C12orf42: variants seen among roughly 807,000 people sequenced by gnomAD.
C12orf42 encodes the protein chromosome 12 open reading frame 42, also known as uncharacterized protein C12orf42.
Under a neutral mutation model 21.6 loss-of-function variants are expected in C12orf42, and 25 were observed. That is an observed-to-expected ratio of 1.16 (90% CI 0.84 to 1.62). The LOEUF is 1.62. Among genes scored for constraint, C12orf42 ranks in the 40% most tolerant of loss-of-function variants. The pLI, the probability that C12orf42 is intolerant of heterozygous loss-of-function variation, is 0.00. For synonymous variants in C12orf42, 174 were observed against 175.0 expected, an observed-to-expected ratio of 0.99 and a Z score of 0.05; for missense variants, 483 against 459.3, an observed-to-expected ratio of 1.05 and a Z score of -0.47.
intron 2 of C12orf42, among the ~76,000 whole-genome samples, chr12:103,411,772 T>C (rs2048867623): frequency 6.6e-6 from 1 of 152,186 alleles, no homozygotes; most frequent in East Asian, 1.9e-4. Context: ...TGTCTGTTGT[T>C]TATAAATTAC....
chr12:103,319,210 C>A (rs1167742479), intron 4 of C12orf42, among the ~76,000 whole-genome samples: 1 of 152,190 alleles, frequency 6.6e-6, no homozygotes, highest in Admixed American at 6.5e-5. Context: ...GAAACCAACC[C>A]TTCACTGTGT....
intron 2 of C12orf42, 95 bp from the exon 3 acceptor site, chr12:103,401,770 CT>C: frequency 8.7e-7 from 1 of 1,150,160 alleles, no homozygotes; most frequent in Non-Finnish European, 1.3e-6. Flanking sequence ...AGATCAGAAG[CT>C]AATTCTTTCA....
intron 3 of C12orf42, among the ~76,000 whole-genome samples, chr12:103,372,201 C>G (rs909492651): frequency 2.0e-5 from 3 of 152,124 alleles, no homozygotes; most frequent in Admixed American, 2.0e-4. Flanking sequence ...TCTTCATCCA[C>G]ATCCCTGCTT....
At chr12:103,155,874 TAC>T in the C12orf42 span, among the ~76,000 whole-genome samples, 1 of 150,898 alleles carries the variant, frequency 6.6e-6, no homozygotes, top group Non-Finnish European at 1.5e-5. Context: ...TATACATATA[TAC>T]ATATATGTGT....
the C12orf42 span, among the ~76,000 whole-genome samples, chr12:103,216,854 T>C: frequency 6.6e-6 from 1 of 151,890 alleles, no homozygotes; most frequent in Admixed American, 6.6e-5. Flanking sequence ...TCTCTCTTTC[T>C]TTTTTTGAGA....
At chr12:103,478,478 G>A (rs909079556) in intron 1 of C12orf42, 31 bp from the exon 2 acceptor site, 106 of 1,111,798 alleles carry the variant, frequency 9.5e-5, no homozygotes, top group Non-Finnish European at 1.2e-4. Flanking sequence ...AAGAAGAGCA[G>A]GTTTACAATG....
chr12:103,498,482 C>A (rs1178978824), upstream of C12orf42, among the ~76,000 whole-genome samples: 1 of 151,964 alleles, frequency 6.6e-6, no homozygotes, highest in African/African-American at 2.4e-5. Context: ...ATTATTCAGA[C>A]AAAAAAGGAA....
At chr12:103,378,339 T>C (rs1209178652) in intron 3 of C12orf42, among the ~76,000 whole-genome samples, 2 of 152,182 alleles carry the variant, frequency 1.3e-5, no homozygotes, top group Non-Finnish European at 2.9e-5. Flanking sequence ...GCTTTCCATC[T>C]CGCGGTCCTG....
chr12:103,156,248 A>G, the C12orf42 span: 1 of 152,090 alleles, frequency 6.6e-6, no homozygotes, highest in East Asian at 1.9e-4. Flanking sequence ...TACCTAATGT[A>G]TGATTCTTAT....
chr12:103,379,153 C>A lies in C12orf42; in HGVS notation c.148-10155G>T, dbSNP rs553666979. ...GATCACGGTTCTAGAAATCAGCTTT[C>A]TGAAGTTGTTTTCCAGGGGAAGCAC... On this transcript the variant is annotated intron_variant, in intron 3 of 5. Transcript: ENST00000548883. Among the ~76,000 whole-genome samples, 7 of 152,290 alleles carry A rather than the reference C, an allele frequency of 4.6e-5. No homozygotes were observed. The East Asian group carries it at 1.4e-3, about 29-fold the overall frequency.
chr12:103,060,618 C>T, the C12orf42 span, among the ~76,000 whole-genome samples: 11 of 152,142 alleles, frequency 7.2e-5, 1 homozygote, highest in Admixed American at 2.0e-4. Context: ...GTGCTGTTAC[C>T]AAAACAGATA....
chr12:103,188,378 G>A, the C12orf42 span, among the ~76,000 whole-genome samples: 2 of 151,866 alleles, frequency 1.3e-5, no homozygotes, highest in African/African-American at 4.8e-5. Flanking sequence ...AGAACCTGGT[G>A]CACCTATCAC....
the C12orf42 span, among the ~76,000 whole-genome samples, chr12:103,079,421 T>C: frequency 6.6e-6 from 1 of 152,184 alleles, no homozygotes; most frequent in East Asian, 1.9e-4. Flanking sequence ...CAACTGATGA[T>C]AGTTTTCTAG....
At chr12:103,520,698 A>C in the C12orf42 span, among the ~76,000 whole-genome samples, 1 of 152,222 alleles carries the variant, frequency 6.6e-6, no homozygotes, top group Non-Finnish European at 1.5e-5. Context: ...ATAATGAAAA[A>C]AAAAATAAAA....
At chr12:103,318,329 C>A (rs2039735954) in intron 4 of C12orf42, among the ~76,000 whole-genome samples, 1 of 152,060 alleles carries the variant, frequency 6.6e-6, no homozygotes, top group Non-Finnish European at 1.5e-5. Context: ...TGTGAACACC[C>A]TTGTATATGT....
chr12:103,241,012 C>T (rs1174436983), intron 10 of C12orf42, among the ~76,000 whole-genome samples: 3 of 152,030 alleles, frequency 2.0e-5, no homozygotes, highest in Non-Finnish European at 2.9e-5. Context: ...AAGAGACAGT[C>T]AGATAAAGTT....
At chr12:103,186,784 C>G in the C12orf42 span, among the ~76,000 whole-genome samples, 1 of 152,116 alleles carries the variant, frequency 6.6e-6, no homozygotes, top group African/African-American at 2.4e-5. Flanking sequence ...TTATCTTCCA[C>G]CAGTCTACTC....
At chr12:103,213,065 C>T in the C12orf42 span, among the ~76,000 whole-genome samples, 1 of 151,680 alleles carries the variant, frequency 6.6e-6, no homozygotes, top group African/African-American at 2.4e-5. Flanking sequence ...ATGTTTTTAC[C>T]AAATCTCAGA....
the C12orf42 span, among the ~76,000 whole-genome samples, chr12:103,134,602 G>A: frequency 6.6e-6 from 1 of 151,862 alleles, no homozygotes; most frequent in Admixed American, 6.6e-5. Flanking sequence ...AATGAAAAAA[G>A]CCTATAAGAC....
Sources: allele counts gnomAD v4.1 joint callset (sites outside exome capture counted in the v4.1 genomes callset), GRCh38; gene constraint gnomAD v4.1.1; transcripts MANE v1.5; gene names NCBI Gene and HGNC (gene_info 2026-07-23, HGNC 2026-07-21).